Variants in ARPIN observed in about 807,000 individuals in gnomAD.
The protein encoded by ARPIN is actin related protein 2/3 complex inhibitor.
In ARPIN, 23 loss-of-function variants were observed where a neutral mutation model predicts 25.9. The observed-to-expected ratio is 0.89, with a 90% confidence interval of 0.64 to 1.26. ARPIN has a LOEUF of 1.26. Ranked by LOEUF, ARPIN falls within the 50% of genes most tolerant of loss-of-function variation. ARPIN has a pLI of 0.00. For missense variants in ARPIN, 333 were observed against 312.2 expected, an observed-to-expected ratio of 1.07 and a Z score of -0.50; for synonymous variants, 126 against 131.4, an observed-to-expected ratio of 0.96 and a Z score of 0.28.
rs192422583 is a variant in ARPIN, at chr15:89,907,886, A to T, written c.301+394T>A. 6.2e-4 allele frequency among the ~76,000 whole-genome samples: 95 copies of T among 152,380 alleles called. No individual in the cohort carries two copies. In the East Asian group the frequency reaches 0.017, roughly 27 times the overall value. On this transcript the variant is annotated intron_variant, in intron 3 of 5. Transcript: ENST00000357484. ...CTATTGTTAATAAATCACCCAGCCT[A>T]AGGTATTTTGTTATATAGCACGCAC...
At chr15:89,912,521 G>A in intron 1 of ARPIN, 1 of 1,299,576 alleles carries the variant, frequency 7.7e-7, no homozygotes. Flanking sequence ...AGGGCAGGCG[G>A]ACAGGCGGGG....
In ARPIN at chr15:89,905,086, A is replaced by G. The variant is rs184246220; in HGVS notation, c.302-1103T>C. ...ACCCAGGCTGGAGTGCAGTGGTGCA[A>G]TCTCGGCTCATTGCAACCTCTACCT... On this transcript the variant is annotated intron_variant, in intron 3 of 5. Transcript: ENST00000357484. Among the ~76,000 whole-genome samples the G allele has an allele frequency of 2.9e-3, 430 of 150,698 alleles. 3 individuals carry two copies. The highest frequency in any genetic ancestry group is 0.023 in the South Asian group (108 of 4,774).
rs1212746304 is a variant in ARPIN, at chr15:89,898,520, C to G, written c.*3275G>C. ...AGTAAATGTTAGTATAGTTAAAGCT[C>G]CAAGAAATCCTACAGAAATGTTTGA... On this transcript the variant is annotated 3_prime_UTR_variant, in exon 6 of 6. Coordinates refer to ENST00000357484, the MANE Select transcript of ARPIN (RefSeq NM_182616.4). The G allele has an allele frequency of 6.6e-6, 1 of 152,188 alleles. No homozygotes were observed. Among genetic ancestry groups the G allele is most frequent in the Non-Finnish European group, 1.5e-5 (1 of 68,030 alleles). The allele number at this position is 152,188 out of a possible 1,614,324, so 9.4% of individuals were successfully genotyped here. A position where few individuals can be genotyped will look rare whatever the true frequency, so the allele number is the denominator to read the frequency against.
rs2141928273 is a variant in ARPIN, at chr15:89,910,807, G to A, written c.105C>T (p.Val35=). The A allele has an allele frequency of 6.2e-7, 1 of 1,614,056 alleles. No individual in the cohort carries two copies. Among genetic ancestry groups the A allele is most frequent in the African/African-American group, 1.3e-5 (1 of 75,022 alleles). ...CATCGATCAGTTCTCCCTCCAGCAG[G>A]ACACCATTTCCCCTGGGGATGAAAG... is the stretch of plus-strand genomic sequence containing the variant. ...DPAAHQGGNG[V]LLEGELIDVS... is the part of the protein sequence containing the mutation. The change falls in exon 2 of 6, where the codon GTC becomes GTT. Residue 35 remains valine (V), a synonymous_variant. Coordinates refer to ENST00000357484, the MANE Select transcript of ARPIN (RefSeq NM_182616.4).
chr15:89,912,655 C>T (rs1488911548), intron 1 of ARPIN, 89 bp downstream of exon 1: 2 of 1,237,340 alleles, frequency 1.6e-6, no homozygotes. Flanking sequence ...AGTTTTCCCC[C>T]ACCCGCATCC....
In ARPIN at chr15:89,895,045, T is replaced by C. The variant is rs1331176729; in HGVS notation, c.*6750A>G. Reference sequence around the variant, plus strand: ...ATTTATGATAAAATGATTGTGGATGTGTGAAAAGATTTAGCCTGAGGAACA... The same window carrying C: ...ATTTATGATAAAATGATTGTGGATGCGTGAAAAGATTTAGCCTGAGGAACA... On this transcript the variant is annotated 3_prime_UTR_variant, in exon 6 of 6. Transcript: ENST00000357484. The C allele has an allele frequency of 3.3e-5, 5 of 151,772 alleles. No homozygotes were observed. Among genetic ancestry groups the C allele is most frequent in the African/African-American group, 1.2e-4 (5 of 41,292 alleles). The allele number at this position is 151,772 out of a possible 1,614,324, so 9.4% of individuals were successfully genotyped here.
chr15:89,912,231 G>A, intron 1 of ARPIN: 1 of 987,440 alleles, frequency 1.0e-6, no homozygotes, highest in Non-Finnish European at 1.2e-6. Context: ...CTTCAGCGCA[G>A]TTGTAAATGG....
rs1896967887 is a variant in ARPIN, at chr15:89,898,643, G to A, written c.*3152C>T. ...CAACCTGTGGAAGATCCCTCAGGCT[G>A]GTCTGAAAGAATCGCCCCAGAGCTC... On this transcript the variant is annotated 3_prime_UTR_variant, in exon 6 of 6. Coordinates refer to ENST00000357484, the MANE Select transcript of ARPIN (RefSeq NM_182616.4). 2 of 152,210 alleles carry A rather than the reference G, an allele frequency of 1.3e-5. No homozygotes were observed. The highest frequency in any genetic ancestry group is 1.3e-4 in the Admixed American group (2 of 15,284). 9.4% of individuals were successfully genotyped at this position (152,210 alleles called of 1,614,324 possible). A position where few individuals can be genotyped will look rare whatever the true frequency, so the allele number is the denominator to read the frequency against.
chr15:89,897,302 T>A lies in ARPIN; in HGVS notation c.*4493A>T, dbSNP rs1013262416. The A allele has an allele frequency of 2.0e-5, 3 of 151,962 alleles. No individual in the cohort carries two copies. The highest frequency in any genetic ancestry group is 7.3e-5 in the African/African-American group (3 of 41,358). 9.4% of individuals were successfully genotyped at this position (151,962 alleles called of 1,614,324 possible). Reference sequence around the variant, plus strand: ...AAGTTCAAGAAAAGCCTGGCTGACATGGTGAAACCCCGTCTCTACTAAAAA... The same window carrying A: ...AAGTTCAAGAAAAGCCTGGCTGACAAGGTGAAACCCCGTCTCTACTAAAAA... On this transcript the variant is annotated 3_prime_UTR_variant, in exon 6 of 6. Transcript: ENST00000357484.
At chr15:89,908,638 C>T (rs1457758522) in intron 2 of ARPIN, among the ~76,000 whole-genome samples, 1 of 152,112 alleles carries the variant, frequency 6.6e-6, no homozygotes, top group East Asian at 1.9e-4. Context: ...AAGTTCCTAA[C>T]AGGGCAAGCC....
intron 3 of ARPIN, among the ~76,000 whole-genome samples, chr15:89,905,038 T>C (rs1897095093): frequency 6.6e-6 from 1 of 150,720 alleles, no homozygotes; most frequent in Non-Finnish European, 1.5e-5. Flanking sequence ...TTTTTTTTTT[T>C]TGAGATGGAG....
chr15:89,903,667 C>T, intron 4 of ARPIN, 110 bp downstream of exon 4: 1 of 1,517,228 alleles, frequency 6.6e-7, no homozygotes, highest in South Asian at 1.3e-5. Flanking sequence ...GTCGTGTCCC[C>T]ATGGAGGCCA....
At chr15:89,906,656 T>C (rs1275789361) in intron 3 of ARPIN, among the ~76,000 whole-genome samples, 1 of 152,140 alleles carries the variant, frequency 6.6e-6, no homozygotes, top group Non-Finnish European at 1.5e-5. Context: ...AGATGGTCCC[T>C]AATGTTCAGA....
At position 89,901,508 on chromosome 15, in the gene ARPIN, C is replaced by A. The variant is rs1158521020; in HGVS notation, c.*287G>T. On this transcript the variant is annotated 3_prime_UTR_variant, in exon 6 of 6. Coordinates refer to ENST00000357484, the MANE Select transcript of ARPIN (RefSeq NM_182616.4). ...AGCCTGGGCAACATAGTGAGACCTC[C>A]ATCTCTAATTTTTTTTTAAAGGGTC... The A allele has an allele frequency of 1.7e-5, 8 of 463,710 alleles. No individual in the cohort carries two copies. Among genetic ancestry groups the A allele is most frequent in the Non-Finnish European group, 2.7e-5 (7 of 257,332 alleles). The allele number at this position is 463,710 out of a possible 1,614,324, so 28.7% of individuals were successfully genotyped here. A position where few individuals can be genotyped will look rare whatever the true frequency, so the allele number is the denominator to read the frequency against.
chr15:89,907,785 A>G (rs924714121), intron 3 of ARPIN, among the ~76,000 whole-genome samples: 3 of 152,234 alleles, frequency 2.0e-5, no homozygotes, highest in African/African-American at 7.2e-5. Flanking sequence ...TGGGCTACAT[A>G]GCAAAACCCA....
Position 89,898,613 on chromosome 15 carries a change from A to C in ARPIN, c.*3182T>G, listed in dbSNP as rs1033844762. ...ACCACCACTTTTTGTTTCTAGCCCT[A>C]TTAACAACCTGTGGAAGATCCCTCA... On this transcript the variant is annotated 3_prime_UTR_variant, in exon 6 of 6. Transcript: ENST00000357484. 1.3e-5 allele frequency: 2 copies of C among 152,218 alleles called. No individual in the cohort carries two copies. Among genetic ancestry groups the C allele is most frequent in the Non-Finnish European group, 2.9e-5 (2 of 68,034 alleles). The allele number at this position is 152,218 out of a possible 1,614,324, so 9.4% of individuals were successfully genotyped here. A position where few individuals can be genotyped will look rare whatever the true frequency, so the allele number is the denominator to read the frequency against.
At chr15:89,912,659 C>CCCCGGGGGGGGGGG in intron 1 of ARPIN, 85 bp downstream of exon 1, 1 of 1,161,518 alleles carries the variant, frequency 8.6e-7, no homozygotes. Flanking sequence ...TTCCCCCACC[C>CCCCGGGGGGGGGGG]GCATCCCACC....
At chr15:89,910,930 T>G in intron 1 of ARPIN, 111 bp from the exon 2 acceptor site, 6 of 1,236,708 alleles carry the variant, frequency 4.9e-6, no homozygotes, top group Non-Finnish European at 5.7e-6. Context: ...AGCAGCTCCT[T>G]TCCCCGTGCT....
chr15:89,904,580 G>T (rs1173070252), intron 3 of ARPIN, among the ~76,000 whole-genome samples: 1 of 152,130 alleles, frequency 6.6e-6, no homozygotes, highest in Non-Finnish European at 1.5e-5. Flanking sequence ...CTCTCTCCTG[G>T]CCCTGGCAGA....
Sources: allele counts gnomAD v4.1 joint callset (sites outside exome capture counted in the v4.1 genomes callset), GRCh38; gene constraint gnomAD v4.1.1; transcripts MANE v1.5; gene names NCBI Gene and HGNC (gene_info 2026-07-23, HGNC 2026-07-21).